The following SLC44A5 variants were observed in gnomAD, a reference collection of about 807,000 sequenced individuals.
SLC44A5 encodes the protein choline transporter-like protein 5.
SLC44A5 carries 57 observed loss-of-function variants against 101.8 expected under a neutral mutation model. The observed-to-expected ratio is 0.56, with a 90% CI of 0.45 to 0.70. The LOEUF (loss-of-function observed/expected upper bound fraction) is 0.70. SLC44A5 is among the 30% of genes least tolerant of loss of function. SLC44A5 has a pLI of 0.00. For synonymous variants in SLC44A5, 281 were observed against 290.9 expected (o/e 0.97, Z 0.35); for missense variants, 737 against 853.1 (o/e 0.86, Z 1.70).
chr1:75,263,357 G>A (rs1484558287), intron 6 of SLC44A5, among the ~76,000 whole-genome samples: 1 of 152,146 alleles, frequency 6.6e-6, no homozygotes, highest in Non-Finnish European at 1.5e-5. Context: ...AGACATTTAT[G>A]CAGCCAACAA....
At position 75,242,880 on chromosome 1, in the gene SLC44A5, A is replaced by G; in HGVS notation, c.471+6T>C. 2 of 1,585,670 alleles carry G rather than the reference A, an allele frequency of 1.3e-6. No homozygotes were observed. Among genetic ancestry groups the G allele is most frequent in the Non-Finnish European group, 1.7e-6 (2 of 1,169,080 alleles). ...GTTCTCTTGCTTTAAGCTTAAACAC[A>G]CATACCTTCACAGGCTTAGCAGTGG... On this transcript the variant is annotated splice_donor_region_variant and intron_variant, in intron 8 of 23. Transcript: ENST00000370859.
chr1:75,650,029 T>C, the SLC44A5 span, among the ~76,000 whole-genome samples: 1 of 152,232 alleles, frequency 6.6e-6, no homozygotes, highest in Non-Finnish European at 1.5e-5. Context: ...AGATTCTTTC[T>C]TTTATATTGC....
chr1:75,243,782 A>G (rs543385538), intron 7 of SLC44A5, among the ~76,000 whole-genome samples: 15 of 152,126 alleles, frequency 9.9e-5, no homozygotes, highest in Non-Finnish European at 1.5e-4. Flanking sequence ...GATGGGGCCT[A>G]ATGGGAGGTG....
chr1:75,538,948 A>AC (rs150135697), intron 2 of SLC44A5, among the ~76,000 whole-genome samples: 7,489 of 152,202 alleles, frequency 0.049, 223 homozygotes, highest in Middle Eastern at 0.086. Flanking sequence ...TCTGAAAGGT[A>AC]TCCAAGACAT....
intron 2 of SLC44A5, among the ~76,000 whole-genome samples, chr1:75,439,406 AC>A (rs1194076791): frequency 1.3e-5 from 2 of 152,136 alleles, no homozygotes; most frequent in Non-Finnish European, 2.9e-5. Flanking sequence ...TAAATTAAAA[AC>A]ATTATTGTTG....
chr1:75,413,870 C>T (rs1663440242), intron 2 of SLC44A5, among the ~76,000 whole-genome samples: 1 of 152,190 alleles, frequency 6.6e-6, no homozygotes, highest in African/African-American at 2.4e-5. Flanking sequence ...AGGCAGTCCA[C>T]ATGAAGTGAA....
At chr1:75,667,191 C>T in the SLC44A5 span, among the ~76,000 whole-genome samples, 1 of 152,184 alleles carries the variant, frequency 6.6e-6, no homozygotes, top group Non-Finnish European at 1.5e-5. Flanking sequence ...CCCATCATCT[C>T]AGCCCAAAAT....
chr1:75,203,969 G>T (rs1331182862), intron 23 of SLC44A5, 136 bp from the exon 24 acceptor site: 1 of 1,052,968 alleles, frequency 9.5e-7, no homozygotes, highest in Non-Finnish European at 1.3e-6. Context: ...TTTTTAAACA[G>T]CATAGTTTGG....
chr1:75,241,530 C>T (rs1311121740), intron 9 of SLC44A5, among the ~76,000 whole-genome samples: 2 of 151,914 alleles, frequency 1.3e-5, no homozygotes, highest in Non-Finnish European at 2.9e-5. Flanking sequence ...TCATTTTGTC[C>T]ACAGTATACA....
intron 2 of SLC44A5, among the ~76,000 whole-genome samples, chr1:75,501,997 G>T (rs1272380657): frequency 6.6e-6 from 1 of 152,112 alleles, no homozygotes. Context: ...AATACAATGA[G>T]AATAAAATTA....
At chr1:75,584,272 AG>A (rs1254620524) in intron 1 of SLC44A5, among the ~76,000 whole-genome samples, 1 of 152,236 alleles carries the variant, frequency 6.6e-6, no homozygotes, top group Non-Finnish European at 1.5e-5. Context: ...TGAAAGTAAG[AG>A]CAGTGCAGCA....
intron 4 of SLC44A5, among the ~76,000 whole-genome samples, chr1:75,317,037 C>G (rs142622363): frequency 2.6e-5 from 4 of 152,116 alleles, no homozygotes; most frequent in Non-Finnish European, 5.9e-5. Flanking sequence ...AAAGGAAAAT[C>G]CCAAGAACAA....
chr1:75,346,051 C>T lies in SLC44A5; in HGVS notation c.53-6421G>A, dbSNP rs1012642849. Among the ~76,000 whole-genome samples, 5 of 152,210 alleles carry T rather than the reference C, an allele frequency of 3.3e-5. No individual in the cohort carries two copies. The South Asian group carries it at 6.2e-4, about 19-fold the overall frequency. On this transcript the variant is annotated intron_variant, in intron 3 of 23. Coordinates refer to ENST00000370859, the MANE Select transcript of SLC44A5 (RefSeq NM_001130058.2). Reference sequence around the variant, plus strand: ...CTACATCATCACCTAATGATGACAACGCCTCATGCAGAAAATGATGAGCAT... The same window carrying T: ...CTACATCATCACCTAATGATGACAATGCCTCATGCAGAAAATGATGAGCAT...
At chr1:75,668,572 T>G in the SLC44A5 span, among the ~76,000 whole-genome samples, 1 of 151,170 alleles carries the variant, frequency 6.6e-6, no homozygotes, top group East Asian at 1.9e-4. Flanking sequence ...TCTGCCTGCC[T>G]TGGCCTCCCA....
At chr1:75,555,965 CA>C in intron 1 of SLC44A5, among the ~76,000 whole-genome samples, 1 of 151,884 alleles carries the variant, frequency 6.6e-6, no homozygotes, top group Middle Eastern at 3.4e-3. Flanking sequence ...TACCTTCCCC[CA>C]AAAAAGTACA....
chr1:75,321,380 A>T (rs1337692911), intron 4 of SLC44A5, among the ~76,000 whole-genome samples: 1 of 152,046 alleles, frequency 6.6e-6, no homozygotes, highest in African/African-American at 2.4e-5. Flanking sequence ...GGTGCCAGCC[A>T]ATCTGGTTCC....
chr1:75,632,392 T>G, the SLC44A5 span, among the ~76,000 whole-genome samples: 4 of 150,758 alleles, frequency 2.7e-5, no homozygotes, highest in Admixed American at 2.6e-4. Flanking sequence ...TTTTTTTTTT[T>G]GCTTGTGTTG....
chr1:75,326,079 A>G (rs901295234), intron 4 of SLC44A5, among the ~76,000 whole-genome samples: 1 of 139,114 alleles, frequency 7.2e-6, no homozygotes, highest in Admixed American at 7.4e-5. Context: ...TCAGATAGTG[A>G]TGTGCTCTCT....
intron 2 of SLC44A5, among the ~76,000 whole-genome samples, chr1:75,538,770 T>C (rs956290329): frequency 5.9e-5 from 9 of 152,238 alleles, no homozygotes; most frequent in African/African-American, 2.2e-4. Context: ...ATAAAATTTA[T>C]TGTTCCTCTT....
Sources: allele counts gnomAD v4.1 joint callset (sites outside exome capture counted in the v4.1 genomes callset), GRCh38; gene constraint gnomAD v4.1.1; transcripts MANE v1.5; gene names NCBI Gene and HGNC (gene_info 2026-07-23, HGNC 2026-07-21).